Variants in DIS3L2 observed in about 807,000 individuals in gnomAD.
The protein encoded by DIS3L2 is DIS3 like 3'-5' exoribonuclease 2, also known as DIS3-like exonuclease 2.
A neutral mutation model predicts 97.5 loss-of-function variants in DIS3L2; 34 were observed. The ratio of observed to expected loss-of-function variants is 0.35; its 90% CI spans 0.27 to 0.46. The LOEUF (loss-of-function observed/expected upper bound fraction) is 0.46. DIS3L2 is among the 20% of genes least tolerant of loss of function. DIS3L2 has a pLI of 1.00. For synonymous variants in DIS3L2, 435 were observed against 445.2 expected, an observed-to-expected ratio of 0.98 and a Z score of 0.29; for missense variants, 1,038 against 1,146.0, an observed-to-expected ratio of 0.91 and a Z score of 1.36.
intron 5 of DIS3L2, among the ~76,000 whole-genome samples, chr2:232,084,745 T>G (rs1460205547): frequency 6.6e-6 from 1 of 151,476 alleles, no homozygotes; most frequent in African/African-American, 2.4e-5. Context: ...ACTCAGGGAC[T>G]GGGAACCAAG....
chr2:232,162,428 A>T (rs1424476544), intron 8 of DIS3L2, among the ~76,000 whole-genome samples: 1 of 152,188 alleles, frequency 6.6e-6, no homozygotes, highest in Non-Finnish European at 1.5e-5. Context: ...GAATTTGTTA[A>T]AAGTCTGCTT....
rs1695872376 is a variant in DIS3L2, at chr2:232,334,400, T to C, written c.2190T>C (p.Asp730=). 6.2e-7 allele frequency: 1 copy of C among 1,613,686 alleles called. No homozygotes were observed. The highest frequency in any genetic ancestry group is 8.5e-7 in the Non-Finnish European group (1 of 1,179,982). ...GGGAGCGACTAGACATGGCGCCCGA[T>C]ACCCTGCAGAAACAGGCGGACCACT... is the stretch of plus-strand genomic sequence containing the variant. The part of the protein sequence containing the change: ...GYRERLDMAP[D]TLQKQADHCN... Residue 730 remains aspartate, a synonymous_variant, in exon 18 of 21, where the codon GAT becomes GAC. Transcript: ENST00000325385.
intron 9 of DIS3L2, among the ~76,000 whole-genome samples, chr2:232,175,018 AG>A (rs1691112136): frequency 6.6e-6 from 1 of 151,944 alleles, no homozygotes; most frequent in Non-Finnish European, 1.5e-5. Context: ...TTGTGGAGAT[AG>A]GGTTTTGCTG....
rs139017327 is a variant in DIS3L2, at chr2:232,268,299, G to A, written c.1659+4859G>A. On this transcript the variant is annotated intron_variant, in intron 13 of 20. Transcript: ENST00000325385. This position sits in a 1 kb window ranked among gnomAD's most constrained non-coding sequence, Gnocchi z 4.1. ...GTGCAATTTTGAAACCCAAACTGCA[G>A]GCAGTTTCTTTGAGTGGACTTGATT... Among the ~76,000 whole-genome samples the A allele has an allele frequency of 8.5e-3, 1,291 of 152,284 alleles. 23 individuals carry two copies. Among genetic ancestry groups the A allele is most frequent in the Admixed American group, 0.048 (740 of 15,294 alleles).
chr2:232,316,529 C>T (rs532100915), intron 14 of DIS3L2, among the ~76,000 whole-genome samples: 2 of 152,172 alleles, frequency 1.3e-5, no homozygotes, highest in African/African-American at 4.8e-5. Context: ...TTGTGGGGAG[C>T]GTGGAATCTG....
chr2:232,176,781 A>G (rs1431249190), intron 9 of DIS3L2, among the ~76,000 whole-genome samples: 1 of 148,924 alleles, frequency 6.7e-6, no homozygotes, highest in Non-Finnish European at 1.5e-5. Flanking sequence ...TAATTAATTA[A>G]TTAATTAATT....
At chr2:232,267,774 T>C (rs1024343325) in intron 13 of DIS3L2, among the ~76,000 whole-genome samples, 1 of 152,184 alleles carries the variant, frequency 6.6e-6, no homozygotes, top group Non-Finnish European at 1.5e-5. Context: ...CTTCTGCTTC[T>C]TGGGACACGA....
intron 8 of DIS3L2, among the ~76,000 whole-genome samples, chr2:232,153,951 T>C (rs1222080938): frequency 1.3e-5 from 2 of 149,768 alleles, no homozygotes; most frequent in Non-Finnish European, 3.0e-5. Context: ...ATTTCATTCA[T>C]TTCATCTTCC....
chr2:232,277,148 A>G (rs1157943965), intron 13 of DIS3L2, among the ~76,000 whole-genome samples: 1 of 149,544 alleles, frequency 6.7e-6, no homozygotes, highest in Non-Finnish European at 1.5e-5. Flanking sequence ...TGGTTTGGCT[A>G]GGTCCCTGAA....
intron 7 of DIS3L2, 53 bp downstream of exon 7, chr2:232,130,772 CTTG>C: frequency 6.2e-7 from 1 of 1,601,204 alleles, no homozygotes; most frequent in Non-Finnish European, 8.5e-7. Flanking sequence ...ACCTGAGCTA[CTTG>C]TTGAAGATCT....
intron 10 of DIS3L2, among the ~76,000 whole-genome samples, chr2:232,231,452 A>G (rs955771434): frequency 5.3e-5 from 8 of 152,212 alleles, no homozygotes; most frequent in African/African-American, 1.9e-4. Context: ...GCTGTCCTCC[A>G]AGGAGATGGG....
intron 9 of DIS3L2, among the ~76,000 whole-genome samples, chr2:232,193,765 A>G (rs981943959): frequency 1.7e-4 from 26 of 152,206 alleles, no homozygotes; most frequent in African/African-American, 5.8e-4. Context: ...TACATAGACT[A>G]TTAGGTGAAA....
chr2:232,231,292 G>A (rs115695873), intron 10 of DIS3L2, among the ~76,000 whole-genome samples: 7 of 152,294 alleles, frequency 4.6e-5, no homozygotes, highest in African/African-American at 1.7e-4. Context: ...TTATTAGGAA[G>A]ATTATGAGGT....
chr2:231,969,663 A>G (rs1692836654), intron 1 of DIS3L2, among the ~76,000 whole-genome samples: 6 of 152,154 alleles, frequency 3.9e-5, no homozygotes, highest in Admixed American at 3.3e-4. Context: ...AGATTATGTC[A>G]TCTGTGAATA....
At chr2:232,219,555 T>G (rs959598437) in intron 10 of DIS3L2, among the ~76,000 whole-genome samples, 7 of 152,194 alleles carry the variant, frequency 4.6e-5, no homozygotes, top group Admixed American at 2.0e-4. Flanking sequence ...TACCTTTCCC[T>G]TATTCCATTC....
At chr2:232,068,176 T>C (rs1334194615) in intron 5 of DIS3L2, among the ~76,000 whole-genome samples, 1 of 152,182 alleles carries the variant, frequency 6.6e-6, no homozygotes, top group Non-Finnish European at 1.5e-5. Context: ...TGGCTATACG[T>C]GAAATCTATA....
intron 10 of DIS3L2, among the ~76,000 whole-genome samples, chr2:232,224,982 C>T (rs1246254898): frequency 3.3e-5 from 5 of 151,838 alleles, no homozygotes; most frequent in African/African-American, 1.2e-4. Flanking sequence ...AAGAAGATAA[C>T]CAATGGTCAA....
chr2:232,296,904 T>C (rs950884128), intron 13 of DIS3L2, among the ~76,000 whole-genome samples: 1 of 152,202 alleles, frequency 6.6e-6, no homozygotes, highest in African/African-American at 2.4e-5. Context: ...ACTTGCCTTA[T>C]TGTTGAGTTG....
intron 9 of DIS3L2, among the ~76,000 whole-genome samples, chr2:232,204,924 C>T (rs1364800488): frequency 6.6e-6 from 1 of 152,098 alleles, no homozygotes; most frequent in Non-Finnish European, 1.5e-5. Flanking sequence ...ATCACTGGCT[C>T]TCAGCACTGA....
Sources: gnomAD v4.1 joint callset for allele counts (sites outside exome capture counted in the v4.1 genomes callset) on GRCh38, gnomAD v4.1.1 for gene constraint, Gnocchi (gnomAD v3.1) non-coding constraint, MANE v1.5 for transcripts, NCBI Gene and HGNC (gene_info 2026-07-23, HGNC 2026-07-21) for gene names.